Variants in TENM3 observed in about 807,000 individuals in gnomAD.
The protein encoded by TENM3 is teneurin transmembrane protein 3, also known as teneurin-3.
TENM3 carries 63 observed loss-of-function variants against 255.1 expected under a neutral mutation model. The observed-to-expected ratio is 0.25, with a 90% CI of 0.20 to 0.30. The LOEUF (loss-of-function observed/expected upper bound fraction) is 0.30, where lower values mean the gene tolerates loss of function less well. Ranked by LOEUF, TENM3 falls within the 10% of genes least tolerant of loss-of-function variation. TENM3 has a pLI of 1.00. For missense variants in TENM3, 2,929 were observed against 3,461.1 expected, an observed-to-expected ratio of 0.85 and a Z score of 3.86; for synonymous variants, 1,306 against 1,322.3, an observed-to-expected ratio of 0.99 and a Z score of 0.27.
chr4:182,022,735 A>T, the TENM3 span, among the ~76,000 whole-genome samples: 2 of 152,082 alleles, frequency 1.3e-5, no homozygotes, highest in Non-Finnish European at 2.9e-5. Flanking sequence ...CGTTCCAGAG[A>T]GGGAAAAATA....
intron 12 of TENM3, among the ~76,000 whole-genome samples, chr4:182,707,521 CA>C (rs1019055419): frequency 6.7e-6 from 1 of 150,332 alleles, no homozygotes; most frequent in Non-Finnish European, 1.5e-5. Flanking sequence ...AGGGGCTTTA[CA>C]AAAAAAAGGA....
chr4:182,557,127 T>C (rs1354378251), intron 3 of TENM3, among the ~76,000 whole-genome samples: 2 of 152,366 alleles, frequency 1.3e-5, no homozygotes, highest in East Asian at 1.9e-4. Flanking sequence ...AAAACAAAAT[T>C]ATAAAATCTC....
intron 1 of TENM3, among the ~76,000 whole-genome samples, chr4:182,161,332 C>T (rs1339934802): frequency 7.7e-6 from 1 of 129,204 alleles, no homozygotes; most frequent in Non-Finnish European, 1.6e-5. Flanking sequence ...AGGAGAATGG[C>T]GTGAACCCGG....
the TENM3 span, among the ~76,000 whole-genome samples, chr4:181,720,363 A>AT: frequency 2.6e-5 from 4 of 152,102 alleles, no homozygotes; most frequent in African/African-American, 9.7e-5. Context: ...ATTTGATGTC[A>AT]TTTTTTATTT....
At chr4:182,291,125 A>G (rs1290527702) in intron 1 of TENM3, among the ~76,000 whole-genome samples, 1 of 152,102 alleles carries the variant, frequency 6.6e-6, no homozygotes, top group Non-Finnish European at 1.5e-5. Flanking sequence ...CTGGCCAAAG[A>G]GGAGTTTAAT....
chr4:182,387,942 A>C (rs1768094456), intron 3 of TENM3, among the ~76,000 whole-genome samples: 1 of 151,576 alleles, frequency 6.6e-6, no homozygotes, highest in Non-Finnish European at 1.5e-5. Context: ...AATTGCAAAA[A>C]AAAAAAAAAA....
intron 11 of TENM3, among the ~76,000 whole-genome samples, chr4:182,682,402 A>G (rs114202146): frequency 4.6e-5 from 7 of 152,370 alleles, no homozygotes; most frequent in African/African-American, 1.7e-4. Context: ...TTGACAATAT[A>G]AGGCTAAACA....
intron 24 of TENM3, among the ~76,000 whole-genome samples, chr4:182,784,855 G>C (rs1289154759): frequency 1.3e-5 from 2 of 152,148 alleles, no homozygotes; most frequent in African/African-American, 4.8e-5. Flanking sequence ...GACTGGGAAA[G>C]GGAACTCCCT....
intron 1 of TENM3, among the ~76,000 whole-genome samples, chr4:182,156,892 C>T (rs1392938593): frequency 6.6e-6 from 1 of 152,112 alleles, no homozygotes; most frequent in Non-Finnish European, 1.5e-5. Context: ...AAGGCCTGAT[C>T]TCAGACTCAC....
chr4:181,660,615 A>G, the TENM3 span, among the ~76,000 whole-genome samples: 1 of 152,182 alleles, frequency 6.6e-6, no homozygotes, highest in African/African-American at 2.4e-5. Flanking sequence ...TAAAGCAGCT[A>G]ATTGTTTACT....
intron 3 of TENM3, among the ~76,000 whole-genome samples, chr4:182,450,159 A>G (rs1274203922): frequency 6.6e-6 from 1 of 152,170 alleles, no homozygotes; most frequent in East Asian, 1.9e-4. Flanking sequence ...AAGCAGATTC[A>G]CGTCTGGAGT....
chr4:181,595,642 C>A, the TENM3 span, among the ~76,000 whole-genome samples: 1 of 152,010 alleles, frequency 6.6e-6, no homozygotes, highest in East Asian at 1.9e-4. Flanking sequence ...GCATTATAGT[C>A]TAAAAAACGC....
intron 3 of TENM3, among the ~76,000 whole-genome samples, chr4:182,403,624 G>C (rs1023784282): frequency 6.6e-6 from 1 of 152,212 alleles, no homozygotes; most frequent in African/African-American, 2.4e-5. Context: ...AAGTAGTGAT[G>C]TGTCTCTGCT....
At chr4:182,591,203 C>G (rs1043109451) in intron 3 of TENM3, among the ~76,000 whole-genome samples, 3 of 151,850 alleles carry the variant, frequency 2.0e-5, no homozygotes, top group Non-Finnish European at 4.4e-5. Flanking sequence ...ATCTAGGTTG[C>G]CGCATTGTCT....
chr4:182,385,100 C>T (rs1015073812), intron 3 of TENM3, among the ~76,000 whole-genome samples: 1 of 152,006 alleles, frequency 6.6e-6, no homozygotes, highest in Non-Finnish European at 1.5e-5. Flanking sequence ...AGTACAAACA[C>T]ATCATCAGGC....
At chr4:182,147,743 G>T (rs892935203) in intron 1 of TENM3, among the ~76,000 whole-genome samples, 12 of 152,084 alleles carry the variant, frequency 7.9e-5, no homozygotes, top group African/African-American at 2.7e-4. Flanking sequence ...GTTTACCGTG[G>T]TCCATAACCA....
upstream of TENM3, chr4:182,143,380 C>A (rs1453081264): frequency 6.0e-6 from 1 of 166,970 alleles, no homozygotes; most frequent in African/African-American, 2.4e-5. The surrounding 1 kb of genome is among the most constrained non-coding windows in gnomAD (Gnocchi z 4.3). Context: ...CGAAAGAACA[C>A]TGTGGAAAGG....
At position 182,800,313 on chromosome 4, in the gene TENM3, A is replaced by T. The variant is rs1234986223; in HGVS notation, c.8062A>T (p.Ile2688Phe). Residue 2688 changes from isoleucine to phenylalanine, a missense_variant, in exon 28 of 28, where the codon ATC becomes TTC. Coordinates refer to ENST00000511685, the MANE Select transcript of TENM3 (RefSeq NM_001080477.4). ...YPELADSANN[I>F]QFLRQSEIGR... ...CGAGCTGGCCGACAGCGCCAACAAC[A>T]TCCAGTTCCTGCGGCAGAGCGAGAT... 1 of 1,593,216 alleles carries T rather than the reference A, an allele frequency of 6.3e-7. No homozygotes were observed. Among genetic ancestry groups the T allele is most frequent in the Non-Finnish European group, 8.5e-7 (1 of 1,177,852 alleles).
At chr4:182,334,166 GA>G (rs35421789) in intron 2 of TENM3, among the ~76,000 whole-genome samples, 69,178 of 151,198 alleles carry the variant, frequency 0.46, 16,452 homozygotes, top group African/African-American at 0.6. Flanking sequence ...TTGGAAGTCA[GA>G]AAAAAAAATC....
Sources: gnomAD v4.1 joint callset for allele counts (sites outside exome capture counted in the v4.1 genomes callset) on GRCh38, gnomAD v4.1.1 for gene constraint, Gnocchi (gnomAD v3.1) non-coding constraint, MANE v1.5 for transcripts, NCBI Gene and HGNC (gene_info 2026-07-23, HGNC 2026-07-21) for gene names.